SPECC1L: variants seen among roughly 807,000 people sequenced by gnomAD.
SPECC1L encodes sperm antigen with calponin homology and coiled-coil domains 1 like.
In SPECC1L, 40 loss-of-function variants were observed where a neutral mutation model predicts 116.8. That is an observed-to-expected ratio of 0.34 (90% CI 0.27 to 0.45). The LOEUF (loss-of-function observed/expected upper bound fraction) is 0.45. Ranked by LOEUF, SPECC1L falls within the 20% of genes least tolerant of loss-of-function variation. SPECC1L has a pLI of 1.00. For synonymous variants in SPECC1L, 504 were observed against 500.6 expected, an observed-to-expected ratio of 1.01 and a Z score of -0.09; for missense variants, 1,110 against 1,373.6, an observed-to-expected ratio of 0.81 and a Z score of 3.03.
chr22:24,281,682 CTT>C (rs1044311078), intron 2 of SPECC1L, among the ~76,000 whole-genome samples: 2 of 152,122 alleles, frequency 1.3e-5, no homozygotes, highest in African/African-American at 4.8e-5. Flanking sequence ...GTTTTCAAAG[CTT>C]TTTGATGGAT....
intron 1 of SPECC1L, among the ~76,000 whole-genome samples, chr22:24,272,436 G>A (rs557686921): frequency 5.5e-4 from 84 of 152,246 alleles, no homozygotes; most frequent in Admixed American, 1.3e-3. Context: ...AGTTTGGGAG[G>A]CCGAGGCGGG....
intron 14 of SPECC1L, among the ~76,000 whole-genome samples, chr22:24,392,796 A>T (rs567990634): frequency 6.6e-6 from 1 of 152,030 alleles, no homozygotes; most frequent in Non-Finnish European, 1.5e-5. Context: ...TAGTGGGGAT[A>T]TCTCATCTCA....
chr22:24,372,193 T>C lies in SPECC1L; in HGVS notation c.3087+2873T>C, dbSNP rs1457236887. On this transcript the variant is annotated intron_variant, in intron 14 of 16. Transcript: ENST00000314328. ...ACCAGATGGATTCACGGCCGAATTC[T>C]ACCAGAGGTACAAGGAGGAGCTGGT... 2.6e-5 allele frequency among the ~76,000 whole-genome samples: 4 copies of C among 152,188 alleles called. No homozygotes were observed. In the East Asian group the frequency reaches 7.7e-4, roughly 29 times the overall value.
Position 24,392,773 on chromosome 22 carries a change from T to C in SPECC1L, c.3088-18815T>C, listed in dbSNP as rs186890342. Among the ~76,000 whole-genome samples, 487 of 152,288 alleles carry C rather than the reference T, an allele frequency of 3.2e-3. 2 individuals are homozygous for C. The highest frequency in any genetic ancestry group is 5.2e-3 in the Non-Finnish European group (356 of 68,014). On this transcript the variant is annotated intron_variant, in intron 14 of 16. Coordinates refer to ENST00000314328, the MANE Select transcript of SPECC1L (RefSeq NM_015330.6). The stretch of plus-strand genomic sequence containing the variant: ...GTCTATTTATATCCTGAGTTTACAG[T>C]TTGGGTGGGGCTTAGTGGGGATATC...
chr22:24,276,492 A>G (rs1271980300), intron 1 of SPECC1L, among the ~76,000 whole-genome samples: 2 of 151,966 alleles, frequency 1.3e-5, no homozygotes, highest in Non-Finnish European at 2.9e-5. Context: ...ATTATGCTGG[A>G]CCCAGTGGTG....
At chr22:24,390,867 C>CTTTTTTTTTTTT (rs1556306072) in intron 14 of SPECC1L, among the ~76,000 whole-genome samples, 40 of 47,590 alleles carry the variant, frequency 8.4e-4, no homozygotes, top group African/African-American at 1.8e-3. Flanking sequence ...TTTTTTTTTT[C>CTTTTTTTTTTTT]TTTTCTTTTT....
At chr22:24,410,960 G>A (rs944190039) in intron 14 of SPECC1L, among the ~76,000 whole-genome samples, 4 of 152,096 alleles carry the variant, frequency 2.6e-5, no homozygotes, top group African/African-American at 9.7e-5. Context: ...AGGCCAAGGC[G>A]GGTGGATCAC....
intron 14 of SPECC1L, among the ~76,000 whole-genome samples, chr22:24,398,048 T>A (rs1362691448): frequency 6.6e-6 from 1 of 152,236 alleles, no homozygotes; most frequent in Non-Finnish European, 1.5e-5. Context: ...ATCTTCATCT[T>A]TGGCCACATG....
chr22:24,338,117 A>G (rs952642568), intron 9 of SPECC1L, among the ~76,000 whole-genome samples: 9 of 152,226 alleles, frequency 5.9e-5, no homozygotes, highest in African/African-American at 2.2e-4. Context: ...ACATAACATA[A>G]TTAAATAACA....
chr22:24,369,864 C>CT (rs1472762239), intron 14 of SPECC1L, among the ~76,000 whole-genome samples: 1 of 152,220 alleles, frequency 6.6e-6, no homozygotes, highest in Non-Finnish European at 1.5e-5. Flanking sequence ...AGAGCAGACT[C>CT]TAATTCTCCA....
intron 13 of SPECC1L, among the ~76,000 whole-genome samples, chr22:24,367,974 T>G (rs557790720): frequency 2.7e-4 from 41 of 152,312 alleles, no homozygotes; most frequent in African/African-American, 9.6e-4. Context: ...TGGGTATTCC[T>G]TGGTGTTCTG....
chr22:24,327,107 G>A (rs1401416769), intron 6 of SPECC1L, among the ~76,000 whole-genome samples: 5 of 151,532 alleles, frequency 3.3e-5, no homozygotes, highest in African/African-American at 9.7e-5. Context: ...GTGAAACCCC[G>A]TCTGTACTAA....
At chr22:24,299,306 T>TCA (rs944054752) in intron 2 of SPECC1L, among the ~76,000 whole-genome samples, 22 of 152,264 alleles carry the variant, frequency 1.4e-4, no homozygotes, top group African/African-American at 4.8e-4. Context: ...GCATGGTGGT[T>TCA]CACACTTGTA....
intron 16 of SPECC1L, among the ~76,000 whole-genome samples, 152 bp from the exon 17 acceptor site, chr22:24,414,381 AT>A (rs1569452454): frequency 6.6e-6 from 1 of 152,212 alleles, no homozygotes; most frequent in Non-Finnish European, 1.5e-5. Context: ...GGGAGGAAGC[AT>A]TCTTGGCCAG....
chr22:24,380,110 A>T (rs1238511893), intron 14 of SPECC1L, among the ~76,000 whole-genome samples: 2 of 152,134 alleles, frequency 1.3e-5, no homozygotes, highest in African/African-American at 4.8e-5. Context: ...ACCTCAAGTG[A>T]CCCACCCTCC....
rs2040728483 is a variant in SPECC1L, at chr22:24,321,822, G to A, written c.842G>A (p.Arg281Lys). Residue 281 changes from arginine to lysine, a missense_variant, in exon 5 of 17, where the codon AGG becomes AAG. Physicochemically the swap from Arg to Lys is conservative, Grantham distance 26 (BLOSUM62 2). Transcript: ENST00000314328. Reference protein sequence around the residue: ...LNALGFSLEQRLDNSEKLFGY... With the variant: ...LNALGFSLEQKLDNSEKLFGY... ...GCATTGGGCTTTTCCCTAGAGCAGA[G>A]GTTAGACAATTCTGAAAAACTGTTT... The A allele has an allele frequency of 6.2e-7, 1 of 1,614,124 alleles. No individual in the cohort carries two copies. Among genetic ancestry groups the A allele is most frequent in the African/African-American group, 1.3e-5 (1 of 74,942 alleles).
intron 2 of SPECC1L, among the ~76,000 whole-genome samples, chr22:24,297,780 T>G (rs1310295503): frequency 6.6e-6 from 1 of 152,216 alleles, no homozygotes; most frequent in African/African-American, 2.4e-5. Flanking sequence ...ACCTGGAAGA[T>G]GAGTCCTCAC....
chr22:24,301,460 A>T (rs1035227368), intron 2 of SPECC1L, among the ~76,000 whole-genome samples: 1 of 152,214 alleles, frequency 6.6e-6, no homozygotes, highest in Non-Finnish European at 1.5e-5. Flanking sequence ...AACATACTGA[A>T]CATCGTAGCT....
intron 8 of SPECC1L, among the ~76,000 whole-genome samples, chr22:24,332,783 A>G (rs1271214800): frequency 1.3e-5 from 2 of 151,704 alleles, no homozygotes; most frequent in Admixed American, 1.3e-4. Context: ...TTATTTTTAG[A>G]TGATTAAATA....
Sources: gnomAD v4.1 joint callset for allele counts (sites outside exome capture counted in the v4.1 genomes callset) on GRCh38, gnomAD v4.1.1 for gene constraint, MANE v1.5 for transcripts, NCBI Gene and HGNC (gene_info 2026-07-23, HGNC 2026-07-21) for gene names.